The following TBC1D19 variants were observed in gnomAD, a reference collection of about 807,000 sequenced individuals.
TBC1D19 encodes the protein TBC1 domain family member 19, also known as TBC1 domain family, member 19.
TBC1D19 carries 60 observed loss-of-function variants against 89.0 expected under a neutral mutation model. That is an observed-to-expected ratio of 0.67 (90% CI 0.55 to 0.84). The LOEUF (loss-of-function observed/expected upper bound fraction) is 0.84. TBC1D19 is among the 40% of genes least tolerant of loss of function. The pLI, the probability that TBC1D19 is intolerant of heterozygous loss-of-function variation, is 0.00. For missense variants in TBC1D19, 500 were observed against 610.8 expected, an observed-to-expected ratio of 0.82 and a Z score of 1.91; for synonymous variants, 189 against 199.7, an observed-to-expected ratio of 0.95 and a Z score of 0.45.
At chr4:26,835,494 C>T in the TBC1D19 span, among the ~76,000 whole-genome samples, 1 of 152,218 alleles carries the variant, frequency 6.6e-6, no homozygotes, top group South Asian at 2.1e-4. Flanking sequence ...CACCCTTCTA[C>T]ATTTTCGATC....
chr4:26,782,119 T>C, the TBC1D19 span, among the ~76,000 whole-genome samples: 1 of 152,318 alleles, frequency 6.6e-6, no homozygotes, highest in East Asian at 1.9e-4. Context: ...GATGTTTTAA[T>C]GAAATCACAC....
At chr4:26,656,987 T>TCTCCTTCTCCTTCTCCTCCTC (rs59399936) in intron 7 of TBC1D19, among the ~76,000 whole-genome samples, 2 of 17,786 alleles carry the variant, frequency 1.1e-4, no homozygotes, top group Non-Finnish European at 2.3e-4. Context: ...TTCTTCTTCT[T>TCTCCTTCTCCTTCTCCTCCTC]CTTCTCCTTC....
chr4:26,736,342 A>G (rs964760926), intron 16 of TBC1D19, among the ~76,000 whole-genome samples: 5 of 146,624 alleles, frequency 3.4e-5, no homozygotes, highest in Non-Finnish European at 7.5e-5. Flanking sequence ...GGAATTGAAC[A>G]ATGAGATCAC....
At chr4:26,640,092 C>A in intron 6 of TBC1D19, 49 bp from the exon 7 acceptor site, 1 of 1,248,738 alleles carries the variant, frequency 8.0e-7, no homozygotes, top group Non-Finnish European at 1.2e-6. Context: ...TTTAATAAGC[C>A]TTCATATATT....
At chr4:26,670,240 A>G (rs1301938263) in intron 9 of TBC1D19, among the ~76,000 whole-genome samples, 2 of 150,524 alleles carry the variant, frequency 1.3e-5, no homozygotes, top group Non-Finnish European at 3.0e-5. Flanking sequence ...ATCATTTTAT[A>G]TATATAAATG....
At chr4:26,620,864 G>T (rs1742006763) in intron 4 of TBC1D19, among the ~76,000 whole-genome samples, 176 bp downstream of exon 4, 1 of 152,106 alleles carries the variant, frequency 6.6e-6, no homozygotes, top group Non-Finnish European at 1.5e-5. Flanking sequence ...AGTAACCAAG[G>T]ATCATACCTA....
At chr4:26,691,445 G>A (rs1381940409) in intron 13 of TBC1D19, among the ~76,000 whole-genome samples, 1 of 152,146 alleles carries the variant, frequency 6.6e-6, no homozygotes, top group Non-Finnish European at 1.5e-5. Context: ...CAAATTTATT[G>A]TTGTCTTATT....
chr4:26,580,274 T>A (rs1739040483), upstream of TBC1D19, among the ~76,000 whole-genome samples: 1 of 152,158 alleles, frequency 6.6e-6, no homozygotes, highest in Non-Finnish European at 1.5e-5. Context: ...GAAGGGGCTT[T>A]TTTTTTCCCC....
the TBC1D19 span, among the ~76,000 whole-genome samples, chr4:26,816,370 T>C: frequency 6.6e-6 from 1 of 152,184 alleles, no homozygotes; most frequent in African/African-American, 2.4e-5. Flanking sequence ...AATCATTGGG[T>C]AACCCATTGT....
At chr4:26,833,422 C>T in the TBC1D19 span, among the ~76,000 whole-genome samples, 1 of 152,172 alleles carries the variant, frequency 6.6e-6, no homozygotes, top group African/African-American at 2.4e-5. Flanking sequence ...TTTCTACCAA[C>T]ACAAAAATTC....
chr4:26,718,192 C>G (rs1032020119), intron 14 of TBC1D19, among the ~76,000 whole-genome samples, 175 bp downstream of exon 14: 1 of 152,064 alleles, frequency 6.6e-6, no homozygotes, highest in Non-Finnish European at 1.5e-5. Flanking sequence ...TAATTTATCA[C>G]AAATCACGGG....
the TBC1D19 span, among the ~76,000 whole-genome samples, chr4:26,763,874 C>A: frequency 1.3e-5 from 2 of 152,290 alleles, no homozygotes; most frequent in African/African-American, 4.8e-5. Flanking sequence ...ATCACCAAGT[C>A]CTAATGTTTT....
rs182983115 is a variant in TBC1D19, at chr4:26,600,635, C to T, written c.100-12534C>T. On this transcript the variant is annotated intron_variant, in intron 1 of 20. Transcript: ENST00000264866. The stretch of plus-strand genomic sequence containing the variant: ...CGAAAGGAGGCTAAGAATAGAGATG[C>T]GGATGAATAGGGGACAAGACAGCCA... 3.2e-3 allele frequency among the ~76,000 whole-genome samples: 480 copies of T among 152,210 alleles called. 8 individuals carry two copies. Among genetic ancestry groups the T allele is most frequent in the Non-Finnish European group, 1.9e-3 (130 of 68,006 alleles).
chr4:26,668,986 T>TACACACACACAC (rs3839171), intron 9 of TBC1D19, among the ~76,000 whole-genome samples: 72 of 147,016 alleles, frequency 4.9e-4, no homozygotes, highest in African/African-American at 1.7e-3. Flanking sequence ...TTTAAATACA[T>TACACACACACAC]ACACACACAC....
At chr4:26,784,130 A>G in the TBC1D19 span, among the ~76,000 whole-genome samples, 2 of 152,268 alleles carry the variant, frequency 1.3e-5, no homozygotes, top group South Asian at 4.2e-4. Flanking sequence ...TTTCACCCTC[A>G]ATAAAAACTT....
chr4:26,794,831 C>T, the TBC1D19 span, among the ~76,000 whole-genome samples: 1 of 152,118 alleles, frequency 6.6e-6, no homozygotes, highest in East Asian at 1.9e-4. Context: ...AAAAATCAGC[C>T]AATCAGTCAG....
At chr4:26,633,662 T>C (rs564863833) in intron 4 of TBC1D19, among the ~76,000 whole-genome samples, 21 of 152,250 alleles carry the variant, frequency 1.4e-4, no homozygotes, top group African/African-American at 4.8e-4. Context: ...CTTCTTGCCT[T>C]AAATCCTGGT....
chr4:26,752,676 A>G (rs974842594), intron 19 of TBC1D19, among the ~76,000 whole-genome samples: 26 of 152,210 alleles, frequency 1.7e-4, no homozygotes, highest in Non-Finnish European at 3.8e-4. Context: ...CCATCTCCTT[A>G]TCAGGGTCAC....
chr4:26,585,607 G>C (rs529226185), intron 1 of TBC1D19, among the ~76,000 whole-genome samples: 1 of 150,526 alleles, frequency 6.6e-6, no homozygotes, highest in African/African-American at 2.4e-5. Flanking sequence ...TTTTTGAGAC[G>C]GAGTCTTCCT....
Sources: allele counts gnomAD v4.1 joint callset (sites outside exome capture counted in the v4.1 genomes callset), GRCh38; gene constraint gnomAD v4.1.1; transcripts MANE v1.5; gene names NCBI Gene and HGNC (gene_info 2026-07-23, HGNC 2026-07-21).